PCSK5: variants seen among roughly 807,000 people sequenced by gnomAD.
The protein encoded by PCSK5 is proprotein convertase subtilisin/kexin type 5.
A neutral mutation model predicts 233.2 loss-of-function variants in PCSK5; 129 were observed. That is an observed-to-expected ratio of 0.55 (90% CI 0.48 to 0.64). The LOEUF is 0.64. PCSK5 is among the 30% of genes least tolerant of loss of function. The probability of loss-of-function intolerance (pLI) is 0.00; values close to 1 mark genes in which losing one functional copy is unlikely to be tolerated. For missense variants in PCSK5, 2,076 were observed against 2,430.1 expected (o/e 0.85, Z 3.06); for synonymous variants, 825 against 879.2 (o/e 0.94, Z 1.09).
At chr9:75,981,615 T>G (rs1336035814) in intron 2 of PCSK5, among the ~76,000 whole-genome samples, 1 of 152,148 alleles carries the variant, frequency 6.6e-6, no homozygotes, top group Non-Finnish European at 1.5e-5. Flanking sequence ...GACAGTGGCG[T>G]CATCATGGCT....
intron 24 of PCSK5, among the ~76,000 whole-genome samples, chr9:76,255,479 T>G (rs1018224821): frequency 7.2e-5 from 11 of 152,132 alleles, no homozygotes; most frequent in African/African-American, 2.7e-4. Context: ...TAGGTGGACA[T>G]TTTACAAACA....
intron 1 of PCSK5, among the ~76,000 whole-genome samples, chr9:75,896,175 G>A (rs1163712278): frequency 6.6e-6 from 1 of 152,182 alleles, no homozygotes; most frequent in African/African-American, 2.4e-5. Context: ...GGCAAATGAA[G>A]GGATAGTAGG....
intron 22 of PCSK5, among the ~76,000 whole-genome samples, chr9:76,235,815 T>C (rs1255189278): frequency 6.6e-6 from 1 of 152,214 alleles, no homozygotes; most frequent in Admixed American, 6.5e-5. Flanking sequence ...GAGAGTGTGA[T>C]GTCCTTAAGA....
chr9:75,969,790 A>T (rs1300717487), intron 2 of PCSK5, among the ~76,000 whole-genome samples: 2 of 151,794 alleles, frequency 1.3e-5, no homozygotes, highest in Non-Finnish European at 2.9e-5. Context: ...TTCCATACAG[A>T]GGTTAACTTG....
chr9:76,345,153 C>A (rs1427460034), intron 35 of PCSK5, among the ~76,000 whole-genome samples: 1 of 151,752 alleles, frequency 6.6e-6, no homozygotes, highest in African/African-American at 2.4e-5. Flanking sequence ...TTGTATTTCC[C>A]AGTGTCTATT....
chr9:75,905,038 A>G (rs1826199011), intron 1 of PCSK5, among the ~76,000 whole-genome samples: 1 of 152,208 alleles, frequency 6.6e-6, no homozygotes, highest in Non-Finnish European at 1.5e-5. Flanking sequence ...AGTGAAAGGA[A>G]CCAGTCACAA....
intron 35 of PCSK5, among the ~76,000 whole-genome samples, chr9:76,344,988 T>C (rs1829936822): frequency 6.6e-6 from 1 of 152,072 alleles, no homozygotes; most frequent in Admixed American, 6.6e-5. Flanking sequence ...TTTTTCAACT[T>C]TTATTTTAGA....
rs573079011 is a variant in PCSK5 at position 76,121,372 on chromosome 9, C to T, written c.1209-12737C>T. 3.0e-4 allele frequency among the ~76,000 whole-genome samples: 46 copies of T among 151,750 alleles called. 1 individual carries two copies. In the South Asian group the frequency reaches 8.8e-3, roughly 29 times the overall value. Reference sequence around the variant, plus strand: ...TAATATGCTATTGGTTTCATTTTAGCGTGTTTTATGTCTTTGAGTTTATTT... The same window carrying T: ...TAATATGCTATTGGTTTCATTTTAGTGTGTTTTATGTCTTTGAGTTTATTT... On this transcript the variant is annotated intron_variant, in intron 9 of 37. Transcript: ENST00000674117.
intron 2 of PCSK5, among the ~76,000 whole-genome samples, chr9:75,979,823 T>C (rs1308221594): frequency 6.6e-6 from 1 of 152,250 alleles, no homozygotes. Context: ...ATAATCACTT[T>C]CTACCTCCTT....
chr9:75,901,383 A>G (rs1476547597), intron 1 of PCSK5, among the ~76,000 whole-genome samples: 1 of 152,164 alleles, frequency 6.6e-6, no homozygotes, highest in African/African-American at 2.4e-5. Flanking sequence ...AGAAAACCAA[A>G]CACCACATGT....
chr9:76,232,668 G>C (rs1826129416), intron 21 of PCSK5, among the ~76,000 whole-genome samples: 1 of 152,184 alleles, frequency 6.6e-6, no homozygotes, highest in African/African-American at 2.4e-5. Context: ...TTTCTGAACA[G>C]AATACTTGGA....
At chr9:76,341,680 C>A (rs1249857547) in intron 35 of PCSK5, among the ~76,000 whole-genome samples, 1 of 152,152 alleles carries the variant, frequency 6.6e-6, no homozygotes, top group Admixed American at 6.6e-5. Flanking sequence ...GGTTTTGGTT[C>A]TTTACTCCCT....
chr9:75,901,627 T>TA (rs34727969), intron 1 of PCSK5, among the ~76,000 whole-genome samples: 44,004 of 136,934 alleles, frequency 0.32, 7,145 homozygotes, highest in African/African-American at 0.39. Context: ...TCCCAGAACT[T>TA]AAAAAAAAAA....
At chr9:76,187,609 C>A (rs1219697006) in intron 17 of PCSK5, among the ~76,000 whole-genome samples, 1 of 152,090 alleles carries the variant, frequency 6.6e-6, no homozygotes, top group Non-Finnish European at 1.5e-5. Context: ...GTGATCCACC[C>A]ACCTTGGCCT....
intron 14 of PCSK5, among the ~76,000 whole-genome samples, chr9:76,178,113 A>G (rs984354735): frequency 6.6e-6 from 1 of 152,170 alleles, no homozygotes; most frequent in Non-Finnish European, 1.5e-5. Context: ...CATTGGATCC[A>G]AGGGACTGTG....
At chr9:76,202,937 A>C (rs540701204) in intron 20 of PCSK5, among the ~76,000 whole-genome samples, 1 of 152,302 alleles carries the variant, frequency 6.6e-6, no homozygotes, top group Non-Finnish European at 1.5e-5. Context: ...GGTGCTTGAT[A>C]ACTGTTATGG....
intron 37 of PCSK5, among the ~76,000 whole-genome samples, chr9:76,355,797 G>A (rs1408442979): frequency 6.6e-6 from 1 of 151,862 alleles, no homozygotes; most frequent in Non-Finnish European, 1.5e-5. Context: ...TCTGTCTCCT[G>A]GGTTCAAGCT....
At chr9:76,237,175 A>C (rs1826276563) in intron 22 of PCSK5, among the ~76,000 whole-genome samples, 1 of 152,206 alleles carries the variant, frequency 6.6e-6, no homozygotes, top group African/African-American at 2.4e-5. Flanking sequence ...TGGAAGGATG[A>C]CCCTCTTGTG....
intron 20 of PCSK5, among the ~76,000 whole-genome samples, chr9:76,201,744 G>A (rs1824923209): frequency 6.6e-6 from 1 of 152,206 alleles, no homozygotes; most frequent in Non-Finnish European, 1.5e-5. Flanking sequence ...TGGACCTAAG[G>A]TAAATGAGGC....
Sources: allele counts gnomAD v4.1 joint callset (sites outside exome capture counted in the v4.1 genomes callset), GRCh38; gene constraint gnomAD v4.1.1; transcripts MANE v1.5; gene names NCBI Gene and HGNC (gene_info 2026-07-23, HGNC 2026-07-21).